Variants in PDPR observed in about 807,000 individuals in gnomAD.
PDPR encodes the protein pyruvate dehydrogenase phosphatase regulatory subunit, also known as pyruvate dehydrogenase phosphatase regulatory subunit, mitochondrial.
A neutral mutation model predicts 102.2 loss-of-function variants in PDPR; 50 were observed. The observed-to-expected ratio is 0.49, with a 90% CI of 0.39 to 0.62. The LOEUF is 0.62. PDPR is among the 20% of genes least tolerant of loss of function. The pLI, the probability that PDPR is intolerant of heterozygous loss-of-function variation, is 0.00. For missense variants in PDPR, 625 were observed against 1,098.2 expected, an observed-to-expected ratio of 0.57 and a Z score of 6.09; for synonymous variants, 259 against 406.0, an observed-to-expected ratio of 0.64 and a Z score of 4.35.
Position 70,157,172 on chromosome 16 carries a change from A to G in PDPR, c.*293A>G, listed in dbSNP as rs1482854711. 1.6e-6 allele frequency: 1 copy of G among 628,586 alleles called. No homozygotes were observed. The allele number at this position is 628,586 out of a possible 1,614,324, so 38.9% of individuals were successfully genotyped here. ...GTCTGACAGGACAGAAGCAAGCTCC[A>G]CTGTGGACATGAGTGATGGTGACAG... On this transcript the variant is annotated 3_prime_UTR_variant, in exon 19 of 19. Coordinates refer to ENST00000288050, the MANE Select transcript of PDPR (RefSeq NM_017990.5).
rs1326479285 is a variant in PDPR, at chr16:70,159,287, ACCT to A, written c.*2412_*2414del. ...TGTTGAAGTAGAACCAGAAATCCTG[ACCT>A]CCTGTTAAATGACATCAGTTTCCCC... On this transcript the variant is annotated 3_prime_UTR_variant, in exon 19 of 19. Transcript: ENST00000288050. The A allele has an allele frequency of 2.0e-5, 3 of 152,348 alleles. No individual in the cohort carries two copies. Among genetic ancestry groups the A allele is most frequent in the East Asian group, 1.9e-4 (1 of 5,196 alleles). The allele number at this position is 152,348 out of a possible 1,614,324, so 9.4% of individuals were successfully genotyped here.
rs1317462820 is a variant in PDPR, at chr16:70,137,204, A to G, written c.1190+818A>G. 1.1e-4 allele frequency among the ~76,000 whole-genome samples: 17 copies of G among 152,318 alleles called. No homozygotes were observed. In the South Asian group the frequency reaches 1.5e-3, roughly 13 times the overall value. ...CATCTCTACTAAAAATACACAAACA[A>G]AATTAGCCGGGCGTTGTGGCGGGTG... On this transcript the variant is annotated intron_variant, in intron 10 of 18. Coordinates refer to ENST00000288050, the MANE Select transcript of PDPR (RefSeq NM_017990.5).
chr16:70,116,447 T>C (rs1258889853), intron 2 of PDPR, among the ~76,000 whole-genome samples: 5 of 148,770 alleles, frequency 3.4e-5, no homozygotes, highest in Non-Finnish European at 7.4e-5. Flanking sequence ...TAGCATAATC[T>C]CGGCTCACTG....
intron 9 of PDPR, among the ~76,000 whole-genome samples, chr16:70,134,595 C>T (rs1456497801): frequency 1.3e-5 from 2 of 151,234 alleles, no homozygotes; most frequent in Non-Finnish European, 2.9e-5. Flanking sequence ...GAGTTCAAGA[C>T]CAGCCTGGCC....
Position 70,126,420 on chromosome 16 carries a change from G to A in PDPR, c.228-840G>A, listed in dbSNP as rs1419775006. ...GCTCTGTCACCCAGGCTGGAACGCC[G>A]TGGCACAGTCTTGACTCACTGCAAG... On this transcript the variant is annotated intron_variant, in intron 3 of 18. Coordinates refer to ENST00000288050, the MANE Select transcript of PDPR (RefSeq NM_017990.5). Among the ~76,000 whole-genome samples, 9 of 152,358 alleles carry A rather than the reference G, an allele frequency of 5.9e-5. No individual in the cohort carries two copies. In the South Asian group the frequency reaches 1.2e-3, roughly 21 times the overall value.
intron 15 of PDPR, 109 bp from the exon 16 acceptor site, chr16:70,146,025 G>T (rs1411858562): frequency 8.6e-6 from 11 of 1,275,818 alleles, no homozygotes; most frequent in Non-Finnish European, 1.2e-5. Context: ...CATATTCCTG[G>T]TCTCTGCACC....
At chr16:70,117,876 T>G (rs1271859200) in intron 2 of PDPR, among the ~76,000 whole-genome samples, 1 of 152,096 alleles carries the variant, frequency 6.6e-6, no homozygotes, top group African/African-American at 2.4e-5. Context: ...GTGGATCACC[T>G]GAGGTCAGGA....
chr16:70,123,767 C>A (rs373717487), intron 3 of PDPR, among the ~76,000 whole-genome samples: 1 of 152,206 alleles, frequency 6.6e-6, no homozygotes, highest in African/African-American at 2.4e-5. Flanking sequence ...AAAATAATTA[C>A]GCCAGCCAGG....
chr16:70,131,847 G>C (rs1964570079), intron 8 of PDPR: 1 of 1,415,824 alleles, frequency 7.1e-7, no homozygotes, highest in South Asian at 1.2e-5. Flanking sequence ...CCCCCTCTCT[G>C]TTAAACTTTC....
At chr16:70,141,100 C>T (rs1343491100) in intron 11 of PDPR, among the ~76,000 whole-genome samples, 1 of 152,182 alleles carries the variant, frequency 6.6e-6, no homozygotes, top group Non-Finnish European at 1.5e-5. Flanking sequence ...ATTGCCCAGG[C>T]TGGAGTGCCG....
At chr16:70,139,173 G>C in intron 11 of PDPR, 150 bp downstream of exon 11, 1 of 1,341,442 alleles carries the variant, frequency 7.5e-7, no homozygotes, top group Non-Finnish European at 1.0e-6. Flanking sequence ...CTGAGTTAAG[G>C]GGCTTTATGC....
At chr16:70,140,251 G>A (rs1965570232) in intron 11 of PDPR, among the ~76,000 whole-genome samples, 2 of 152,260 alleles carry the variant, frequency 1.3e-5, no homozygotes, top group South Asian at 2.1e-4. Context: ...TGAGGTAGGC[G>A]AATCACCTGA....
intron 3 of PDPR, among the ~76,000 whole-genome samples, chr16:70,123,745 A>G (rs1352541738): frequency 6.6e-6 from 1 of 151,990 alleles, no homozygotes; most frequent in African/African-American, 2.4e-5. Flanking sequence ...GACTATTTAA[A>G]CCTCACACTT....
At chr16:70,114,624 C>T (rs973958042) in intron 1 of PDPR, among the ~76,000 whole-genome samples, 184 bp downstream of exon 1, 1 of 152,246 alleles carries the variant, frequency 6.6e-6, no homozygotes, top group Non-Finnish European at 1.5e-5. Flanking sequence ...TACTCGTCCC[C>T]GTAAGGTTGT....
intron 6 of PDPR, among the ~76,000 whole-genome samples, chr16:70,129,971 T>C (rs1964371397): frequency 6.6e-6 from 1 of 152,286 alleles, no homozygotes; most frequent in African/African-American, 2.4e-5. Flanking sequence ...TCTCAGGATG[T>C]GATTCTAGGG....
rs769614369 is a variant in PDPR at position 70,143,478 on chromosome 16, C to G, written c.1606-32C>G. On this transcript the variant is annotated intron_variant, in intron 13 of 18. Transcript: ENST00000288050. ...TGGCCCAGCCAGGTGCTCTCACGCT[C>G]ACTCTCTCTGTTTCATTCCCTAACC... The G allele has an allele frequency of 1.2e-5, 19 of 1,610,436 alleles. No individual in the cohort carries two copies. The East Asian group carries it at 3.6e-4, about 30-fold the overall frequency.
At chr16:70,121,563 G>T (rs1963274804) in intron 3 of PDPR, among the ~76,000 whole-genome samples, 1 of 152,082 alleles carries the variant, frequency 6.6e-6, no homozygotes, top group South Asian at 2.1e-4. Context: ...GTGGTGGTGT[G>T]CACCTGTAAT....
At position 70,156,461 on chromosome 16, in the gene PDPR, CCTTT is replaced by C. The variant is rs746325689; in HGVS notation, c.2236-6_2236-3del. 1.0e-5 allele frequency: 16 copies of C among 1,604,232 alleles called. No homozygotes were observed. The African/African-American group carries it at 1.6e-4, about 16-fold the overall frequency. ...AGTGTCGCTGGATGACTCGGCGTTT[CCTTT>C]CTTTCTTAGGGCATGGATTTCATTG... On this transcript the variant is annotated splice_polypyrimidine_tract_variant and intron_variant, in intron 18 of 18. Transcript: ENST00000288050.
chr16:70,120,749 C>A, intron 3 of PDPR, 30 bp downstream of exon 3: 2 of 1,360,136 alleles, frequency 1.5e-6, no homozygotes, highest in Non-Finnish European at 2.1e-6. Context: ...TGGCTCATGG[C>A]TGTGCTGCAC....
Sources: allele counts gnomAD v4.1 joint callset (sites outside exome capture counted in the v4.1 genomes callset), GRCh38; gene constraint gnomAD v4.1.1; transcripts MANE v1.5; gene names NCBI Gene and HGNC (gene_info 2026-07-23, HGNC 2026-07-21).